NBAS: variants seen among roughly 807,000 people sequenced by gnomAD.
NBAS encodes NBAS subunit of NRZ tethering complex.
A neutral mutation model predicts 302.5 loss-of-function variants in NBAS; 219 were observed. That is an observed-to-expected ratio of 0.72 (90% confidence interval 0.65 to 0.81). The LOEUF (loss-of-function observed/expected upper bound fraction) is 0.81, where lower values mean the gene tolerates loss of function less well. Among genes scored for constraint, NBAS ranks in the 30% least tolerant of loss-of-function variants. The pLI, the probability that NBAS is intolerant of heterozygous loss-of-function variation, is 0.00. For synonymous variants in NBAS, 1,118 were observed against 1,021.6 expected, an observed-to-expected ratio of 1.09 and a Z score of -1.80; for missense variants, 2,932 against 2,841.6, an observed-to-expected ratio of 1.03 and a Z score of -0.72.
At chr2:15,292,402 G>A (rs911066911) in intron 41 of NBAS, 135 bp downstream of exon 41, 5 of 869,802 alleles carry the variant, frequency 5.7e-6, no homozygotes, top group African/African-American at 5.0e-5. Context: ...AAGACTAGAT[G>A]AAGTTGGGGA....
the NBAS span, among the ~76,000 whole-genome samples, chr2:14,958,724 T>A: frequency 6.6e-6 from 1 of 152,168 alleles, no homozygotes; most frequent in African/African-American, 2.4e-5. Flanking sequence ...AAGTTGATGA[T>A]ATGTAAAGAG....
At chr2:15,109,450 A>G in the NBAS span, among the ~76,000 whole-genome samples, 4 of 152,156 alleles carry the variant, frequency 2.6e-5, no homozygotes, top group Admixed American at 1.3e-4. Context: ...GAAGAATTAT[A>G]TCCAAAAGTG....
chr2:15,124,515 T>C, the NBAS span, among the ~76,000 whole-genome samples: 1 of 152,208 alleles, frequency 6.6e-6, no homozygotes, highest in Admixed American at 6.5e-5. Flanking sequence ...AGCCAAGTCC[T>C]AACATCCAAG....
intron 16 of NBAS, among the ~76,000 whole-genome samples, chr2:15,472,382 A>G (rs1261906606): frequency 6.6e-6 from 1 of 152,126 alleles, no homozygotes; most frequent in Admixed American, 6.5e-5. Flanking sequence ...TTTCTAGTGA[A>G]TCACCCAGGC....
intron 9 of NBAS, among the ~76,000 whole-genome samples, chr2:15,515,874 C>A (rs1359875228): frequency 6.6e-6 from 1 of 152,152 alleles, no homozygotes; most frequent in Non-Finnish European, 1.5e-5. Flanking sequence ...TGAAAGTCCA[C>A]ATTTCTCATT....
chr2:15,343,341 A>G (rs867758423), intron 35 of NBAS, among the ~76,000 whole-genome samples: 48 of 152,166 alleles, frequency 3.2e-4, no homozygotes, highest in African/African-American at 9.9e-4. Context: ...AAACCACAAT[A>G]CTACAGAATC....
chr2:15,388,549 C>A (rs1675425899), intron 28 of NBAS, among the ~76,000 whole-genome samples: 1 of 112,762 alleles, frequency 8.9e-6, no homozygotes, highest in African/African-American at 3.1e-5. Context: ...ATACACAGTA[C>A]AACCATTTTG....
At chr2:15,528,825 C>A (rs1663061819) in intron 9 of NBAS, among the ~76,000 whole-genome samples, 2 of 144,700 alleles carry the variant, frequency 1.4e-5, no homozygotes, top group Non-Finnish European at 3.0e-5. Context: ...TGAGATCTTG[C>A]CATTGCACTT....
chr2:15,125,949 G>A, the NBAS span, among the ~76,000 whole-genome samples: 2 of 152,266 alleles, frequency 1.3e-5, no homozygotes, highest in East Asian at 3.9e-4. Flanking sequence ...CATGTGAGAA[G>A]GACATGAGAT....
At chr2:15,063,763 G>A in the NBAS span, among the ~76,000 whole-genome samples, 77,212 of 152,004 alleles carry the variant, frequency 0.51, 21,875 homozygotes, top group Non-Finnish European at 0.62. Flanking sequence ...ATGCAAGAAG[G>A]TGGCCATCTG....
intron 44 of NBAS, among the ~76,000 whole-genome samples, chr2:15,265,349 C>T (rs1352535581): frequency 6.6e-6 from 1 of 152,134 alleles, no homozygotes; most frequent in Non-Finnish European, 1.5e-5. Context: ...AGTAATCTGA[C>T]CCTCAGACCA....
At chr2:14,840,989 GGCAATATAAAAATATGTAAATCA>G in the NBAS span, among the ~76,000 whole-genome samples, 1 of 151,876 alleles carries the variant, frequency 6.6e-6, no homozygotes, top group Non-Finnish European at 1.5e-5. Context: ...TTAAGTGATA[GGCAATATAAAAATATGTAAATCA>G]AGACAACAAA....
the NBAS span, among the ~76,000 whole-genome samples, chr2:14,865,252 T>C: frequency 1.3e-5 from 2 of 149,388 alleles, no homozygotes; most frequent in Non-Finnish European, 3.0e-5. Flanking sequence ...CCTATAACAT[T>C]AAAATTATAA....
chr2:15,540,527 A>G (rs1663758718), intron 6 of NBAS, among the ~76,000 whole-genome samples: 1 of 151,924 alleles, frequency 6.6e-6, no homozygotes, highest in Non-Finnish European at 1.5e-5. Context: ...CTGCCACTTT[A>G]AAAGTCCTGA....
chr2:14,937,573 G>A, the NBAS span, among the ~76,000 whole-genome samples: 5 of 152,224 alleles, frequency 3.3e-5, no homozygotes, highest in African/African-American at 4.8e-5. Context: ...GAATCGCTGG[G>A]CTAAAGCATT....
At position 15,467,369 on chromosome 2, in the gene NBAS, C is replaced by A; in HGVS notation, c.2057G>T (p.Arg686Leu). 1 of 1,613,494 alleles carries A rather than the reference C, an allele frequency of 6.2e-7. No individual in the cohort carries two copies. Among genetic ancestry groups the A allele is most frequent in the Non-Finnish European group, 8.5e-7 (1 of 1,179,636 alleles). ...LEQKELCRCR[R>L]KLLTYLDRLA... ...TCGATCTAAGTAGGTTAATAACTTC[C>A]GTCTACAACGGCAAAGTTCCTTTTG... Residue 686 changes from arginine (R) to leucine (L), a missense_variant, in exon 19 of 52, where the codon CGG becomes CTG. Coordinates refer to ENST00000281513, the MANE Select transcript of NBAS (RefSeq NM_015909.4).
At chr2:15,143,330 T>C in the NBAS span, among the ~76,000 whole-genome samples, 1 of 152,218 alleles carries the variant, frequency 6.6e-6, no homozygotes, top group African/African-American at 2.4e-5. Flanking sequence ...CACCTGGAGT[T>C]TGTCTGACTC....
At chr2:15,468,661 G>A (rs765134656) in intron 16 of NBAS, 128 bp from the exon 17 acceptor site, 8 of 1,052,408 alleles carry the variant, frequency 7.6e-6, no homozygotes, top group South Asian at 2.7e-5. Flanking sequence ...GCCATAGGGA[G>A]CTGCTAGAGG....
chr2:15,047,411 G>C, the NBAS span, among the ~76,000 whole-genome samples: 12 of 152,202 alleles, frequency 7.9e-5, no homozygotes, highest in African/African-American at 2.9e-4. Flanking sequence ...GCAGGTGAAG[G>C]CTGGGCTTAT....
Sources: gnomAD v4.1 joint callset for allele counts (sites outside exome capture counted in the v4.1 genomes callset) on GRCh38, gnomAD v4.1.1 for gene constraint, MANE v1.5 for transcripts, NCBI Gene and HGNC (gene_info 2026-07-23, HGNC 2026-07-21) for gene names.